The following MICU3 variants were observed in gnomAD, a reference collection of about 807,000 sequenced individuals.
MICU3 encodes calcium uptake protein 3, mitochondrial.
A neutral mutation model predicts 66.5 loss-of-function variants in MICU3; 62 were observed. The ratio of observed to expected loss-of-function variants is 0.93; its 90% CI spans 0.76 to 1.15. The LOEUF is 1.15. MICU3 is among the 50% of genes most tolerant of loss of function. The probability of loss-of-function intolerance (pLI) is 0.00; values close to 1 mark genes in which losing one functional copy is unlikely to be tolerated. For missense variants in MICU3, 779 were observed against 664.4 expected, an observed-to-expected ratio of 1.17 and a Z score of -1.90; for synonymous variants, 308 against 240.7, an observed-to-expected ratio of 1.28 and a Z score of -2.59.
chr8:17,133,505 A>C, the MICU3 span, among the ~76,000 whole-genome samples: 1 of 152,110 alleles, frequency 6.6e-6, no homozygotes, highest in South Asian at 2.1e-4. Flanking sequence ...TTATATATAT[A>C]TCTCAAAGAT....
chr8:17,093,535 A>T (rs1057370093), intron 8 of MICU3, among the ~76,000 whole-genome samples: 1 of 152,002 alleles, frequency 6.6e-6, no homozygotes, highest in African/African-American at 2.4e-5. Flanking sequence ...CTCTGTCATT[A>T]CTAATGTTTT....
chr8:17,029,349 G>T (rs994633002), intron 1 of MICU3, among the ~76,000 whole-genome samples: 1 of 152,050 alleles, frequency 6.6e-6, no homozygotes, highest in Non-Finnish European at 1.5e-5. Flanking sequence ...GGTGTTGGGC[G>T]CTTGTAATCC....
intron 11 of MICU3, 26 bp downstream of exon 11, chr8:17,105,610 T>C: frequency 2.1e-6 from 3 of 1,419,102 alleles, no homozygotes; most frequent in Non-Finnish European, 1.9e-6. Flanking sequence ...ATTTAGTTGG[T>C]TATGTTACTG....
At chr8:17,110,021 A>G (rs1423517962) in intron 11 of MICU3, among the ~76,000 whole-genome samples, 1 of 152,208 alleles carries the variant, frequency 6.6e-6, no homozygotes, top group Admixed American at 6.5e-5. Flanking sequence ...GTTATTATAT[A>G]CTTGCCATTT....
chr8:17,086,961 C>G lies in MICU3; in HGVS notation c.778-3C>G. 2 of 1,585,116 alleles carry G rather than the reference C, an allele frequency of 1.3e-6. No individual in the cohort carries two copies. Among genetic ancestry groups the G allele is most frequent in the Non-Finnish European group, 8.7e-7 (1 of 1,155,968 alleles). ...TTTGATTCTTGATTGATTTCTTTGTCAGCTTCAAGAGATATTCAGGAAAAA... is the reference window on the plus strand; with the variant it reads ...TTTGATTCTTGATTGATTTCTTTGTGAGCTTCAAGAGATATTCAGGAAAAA... On this transcript the variant is annotated splice_polypyrimidine_tract_variant and splice_region_variant and intron_variant, in intron 6 of 14. Transcript: ENST00000318063.
chr8:17,098,688 T>G (rs981091078), intron 9 of MICU3, 135 bp downstream of exon 9: 2 of 630,970 alleles, frequency 3.2e-6, no homozygotes, highest in Non-Finnish European at 2.8e-6. Flanking sequence ...CAAAAATTAC[T>G]ATATATAAAC....
At chr8:17,059,845 C>T (rs1817546796) in intron 1 of MICU3, among the ~76,000 whole-genome samples, 1 of 152,054 alleles carries the variant, frequency 6.6e-6, no homozygotes, top group Non-Finnish European at 1.5e-5. Context: ...TAGTTGAAGA[C>T]TTGATTAAAT....
intron 3 of MICU3, among the ~76,000 whole-genome samples, chr8:17,071,259 C>T (rs1220880636): frequency 1.3e-5 from 2 of 152,046 alleles, no homozygotes; most frequent in African/African-American, 2.4e-5. Context: ...GGTTTAACAC[C>T]AGACATTTAT....
At chr8:17,125,187 T>C (rs908790392), downstream of MICU3, among the ~76,000 whole-genome samples, 22 of 152,026 alleles carry the variant, frequency 1.4e-4, no homozygotes, top group Admixed American at 9.2e-4. Context: ...CTTTGTCTTT[T>C]TATTGTACCT....
At chr8:17,071,132 G>A (rs1819525051) in intron 3 of MICU3, among the ~76,000 whole-genome samples, 2 of 150,918 alleles carry the variant, frequency 1.3e-5, no homozygotes, top group African/African-American at 4.8e-5. Context: ...AAATAAGGGG[G>A]AACTACTGTA....
chr8:17,136,257 A>G, the MICU3 span, among the ~76,000 whole-genome samples: 5,847 of 152,208 alleles, frequency 0.038, 334 homozygotes, highest in East Asian at 0.19. Context: ...GAAATAAAGT[A>G]GGTATTTTTA....
At chr8:17,063,952 C>T (rs949442674) in intron 1 of MICU3, 132 bp from the exon 2 acceptor site, 2 of 506,872 alleles carry the variant, frequency 3.9e-6, no homozygotes, top group Non-Finnish European at 6.8e-6. Flanking sequence ...AAGTGATTAA[C>T]GTTTTTCAGA....
chr8:17,085,317 T>C lies in MICU3; in HGVS notation c.776T>C (p.Val259Ala), dbSNP rs1397780422. The C allele has an allele frequency of 6.3e-7, 1 of 1,586,062 alleles. No individual in the cohort carries two copies. The highest frequency in any genetic ancestry group is 1.3e-5 in the African/African-American group (1 of 74,112). The change falls in exon 6 of 15, where the codon GTG (valine) becomes GCG (alanine). Residue 259 changes from valine to alanine, a missense_variant and splice_region_variant. Coordinates refer to ENST00000318063, the MANE Select transcript of MICU3 (RefSeq NM_181723.3). ...ATGGTGGATAAAAAAGAGTTTTTGG[T>C]GGTATGTATACTAGATGCTGCACTT... ...NEMVDKKEFL[V>A]LQEIFRKKNE...
At chr8:17,109,984 C>A (rs1263443886) in intron 11 of MICU3, among the ~76,000 whole-genome samples, 1 of 152,098 alleles carries the variant, frequency 6.6e-6, no homozygotes, top group Non-Finnish European at 1.5e-5. Context: ...TTCTCCTAAC[C>A]TTTTAAACTC....
intron 1 of MICU3, among the ~76,000 whole-genome samples, chr8:17,029,889 A>T (rs11778299): frequency 0.11 from 16,941 of 152,022 alleles, 1,001 homozygotes; most frequent in South Asian, 0.23. Context: ...TTTGAAGTTA[A>T]ATTTCCTGAC....
intron 1 of MICU3, among the ~76,000 whole-genome samples, chr8:17,050,678 C>G (rs1314784957): frequency 1.3e-5 from 2 of 152,082 alleles, no homozygotes; most frequent in Non-Finnish European, 2.9e-5. Flanking sequence ...TAATTTTAAG[C>G]TGTTTAGTTC....
chr8:17,127,428 G>A (rs76134439), downstream of MICU3, among the ~76,000 whole-genome samples: 101 of 150,388 alleles, frequency 6.7e-4, 1 homozygote, highest in East Asian at 0.018. Flanking sequence ...AAGACGTATT[G>A]CAAAATGAAC....
intron 1 of MICU3, among the ~76,000 whole-genome samples, chr8:17,041,460 A>G (rs1814079061): frequency 6.6e-6 from 1 of 152,216 alleles, no homozygotes; most frequent in African/African-American, 2.4e-5. Flanking sequence ...GGTGATAATC[A>G]GATTACAGTT....
intron 1 of MICU3, among the ~76,000 whole-genome samples, chr8:17,036,501 T>C (rs1180665499): frequency 6.6e-6 from 1 of 152,036 alleles, no homozygotes; most frequent in Non-Finnish European, 1.5e-5. Context: ...TTTGTCAGGG[T>C]GCTGATTGGT....
Sources: allele counts gnomAD v4.1 joint callset (sites outside exome capture counted in the v4.1 genomes callset), GRCh38; gene constraint gnomAD v4.1.1; transcripts MANE v1.5; gene names NCBI Gene and HGNC (gene_info 2026-07-23, HGNC 2026-07-21).